LDB2: variants seen among roughly 807,000 people sequenced by gnomAD.
LDB2 encodes LIM domain binding 2, also known as LIM domain-binding protein 2.
LDB2 carries 12 observed loss-of-function variants against 44.3 expected under a neutral mutation model. The observed-to-expected ratio is 0.27, with a 90% CI of 0.17 to 0.44. LDB2 has a LOEUF of 0.44. LDB2 is among the 20% of genes least tolerant of loss of function. LDB2 has a pLI of 1.00. For missense variants in LDB2, 344 were observed against 473.5 expected, an observed-to-expected ratio of 0.73 and a Z score of 2.54; for synonymous variants, 164 against 174.8, an observed-to-expected ratio of 0.94 and a Z score of 0.49.
intron 1 of LDB2, among the ~76,000 whole-genome samples, chr4:16,764,118 T>C (rs1768632806): frequency 6.6e-6 from 1 of 152,212 alleles, no homozygotes. Context: ...ACATGCTTTT[T>C]TGTAAATAAT....
chr4:16,789,844 A>T (rs971363197), intron 1 of LDB2, among the ~76,000 whole-genome samples: 2 of 152,218 alleles, frequency 1.3e-5, no homozygotes. Flanking sequence ...AGGCAGGAGA[A>T]TCACTTGAAC....
chr4:16,791,210 C>G (rs902658310), intron 1 of LDB2, among the ~76,000 whole-genome samples: 1 of 152,050 alleles, frequency 6.6e-6, no homozygotes, highest in African/African-American at 2.4e-5. Flanking sequence ...TGAACTCAAA[C>G]CTAAAAGGGG....
At chr4:16,660,425 G>T (rs2152539374) in intron 2 of LDB2, among the ~76,000 whole-genome samples, 1 of 152,254 alleles carries the variant, frequency 6.6e-6, no homozygotes, top group Non-Finnish European at 1.5e-5. Context: ...AGGAGATATT[G>T]AGAAAATCAA....
intron 5 of LDB2, among the ~76,000 whole-genome samples, chr4:16,541,532 T>C (rs1418719938): frequency 6.6e-6 from 1 of 152,218 alleles, no homozygotes; most frequent in African/African-American, 2.4e-5. Context: ...AATGGCCTAA[T>C]AAACCATGAT....
intron 2 of LDB2, among the ~76,000 whole-genome samples, chr4:16,729,341 A>G (rs1760233062): frequency 6.6e-6 from 1 of 152,208 alleles, no homozygotes; most frequent in South Asian, 2.1e-4. Flanking sequence ...ATTTAAGGGT[A>G]ACGCACATTT....
At chr4:16,861,212 G>A (rs1226178777) in intron 1 of LDB2, among the ~76,000 whole-genome samples, 1 of 152,162 alleles carries the variant, frequency 6.6e-6, no homozygotes, top group Admixed American at 6.5e-5. Flanking sequence ...CTGATCAAAA[G>A]AGATGAAAAA....
chr4:16,703,819 G>A (rs1412382529), intron 2 of LDB2, among the ~76,000 whole-genome samples: 4 of 152,156 alleles, frequency 2.6e-5, no homozygotes, highest in Non-Finnish European at 5.9e-5. Flanking sequence ...ACCACCAATT[G>A]CAGACTGTTT....
intron 2 of LDB2, among the ~76,000 whole-genome samples, chr4:16,757,961 G>A (rs948194212): frequency 2.3e-5 from 3 of 129,580 alleles, no homozygotes; most frequent in South Asian, 3.1e-4. Context: ...AATGTCCCAC[G>A]TCCTTAAAAG....
chr4:16,549,860 AAAG>A (rs1157791865), intron 5 of LDB2, among the ~76,000 whole-genome samples: 1 of 152,238 alleles, frequency 6.6e-6, no homozygotes, highest in Admixed American at 6.5e-5. Flanking sequence ...AGCAAAAAAT[AAAG>A]AATACAAAAA....
At chr4:16,529,247 C>T (rs763438358) in intron 5 of LDB2, among the ~76,000 whole-genome samples, 25 of 152,108 alleles carry the variant, frequency 1.6e-4, no homozygotes, top group Non-Finnish European at 2.6e-4. Context: ...TCAATTACCC[C>T]CATCTTAGTT....
chr4:16,640,445 T>C (rs770599685), intron 2 of LDB2, among the ~76,000 whole-genome samples: 8 of 152,128 alleles, frequency 5.3e-5, no homozygotes, highest in Admixed American at 6.5e-5. Context: ...CCTGACTTTT[T>C]AGGAGGAGGA....
chr4:16,649,398 T>TGA (rs773807460), intron 2 of LDB2, among the ~76,000 whole-genome samples: 6 of 151,854 alleles, frequency 4.0e-5, no homozygotes, highest in Middle Eastern at 3.4e-3. Context: ...TATTGGCATA[T>TGA]GAGAGAGAGA....
chr4:16,523,509 A>G (rs1727051260), intron 5 of LDB2, among the ~76,000 whole-genome samples: 1 of 152,216 alleles, frequency 6.6e-6, no homozygotes, highest in Non-Finnish European at 1.5e-5. Flanking sequence ...ATTATTAATT[A>G]AAGTAATGGT....
At chr4:16,591,439 C>G (rs1477836525) in intron 3 of LDB2, among the ~76,000 whole-genome samples, 2 of 152,152 alleles carry the variant, frequency 1.3e-5, no homozygotes, top group South Asian at 4.1e-4. Flanking sequence ...TCAGTCAAAA[C>G]CAAGGGTTTA....
chr4:16,625,245 C>G (rs571911364), intron 2 of LDB2, among the ~76,000 whole-genome samples: 1 of 152,292 alleles, frequency 6.6e-6, no homozygotes, highest in South Asian at 2.1e-4. Context: ...TCAGATATCT[C>G]TCCCTTGCTT....
At chr4:16,852,429 C>T (rs567967637) in intron 1 of LDB2, among the ~76,000 whole-genome samples, 14 of 152,254 alleles carry the variant, frequency 9.2e-5, no homozygotes, top group African/African-American at 3.1e-4. Flanking sequence ...CTTCCACACA[C>T]ATGGGATGAA....
intron 2 of LDB2, among the ~76,000 whole-genome samples, chr4:16,622,987 A>T (rs923624383): frequency 1.3e-5 from 2 of 152,116 alleles, no homozygotes; most frequent in Admixed American, 1.3e-4. Flanking sequence ...CTTTGAGCCA[A>T]CCCCCAAAAG....
At chr4:16,685,172 G>T (rs1159710884) in intron 2 of LDB2, among the ~76,000 whole-genome samples, 1 of 152,166 alleles carries the variant, frequency 6.6e-6, no homozygotes, top group African/African-American at 2.4e-5. Context: ...ATCATAAACA[G>T]TTGATGAAAG....
chr4:16,746,759 G>A (rs1359054313), intron 2 of LDB2, among the ~76,000 whole-genome samples: 3 of 152,182 alleles, frequency 2.0e-5, no homozygotes, highest in African/African-American at 7.2e-5. Flanking sequence ...TGCATGCCAA[G>A]CTGGGCAACA....
Sources: gnomAD v4.1 joint callset for allele counts (sites outside exome capture counted in the v4.1 genomes callset) on GRCh38, gnomAD v4.1.1 for gene constraint, MANE v1.5 for transcripts, NCBI Gene and HGNC (gene_info 2026-07-23, HGNC 2026-07-21) for gene names.